The following PTPRN variants were observed in gnomAD, a reference collection of about 807,000 sequenced individuals.
PTPRN encodes the protein receptor-type tyrosine-protein phosphatase-like N.
Under a neutral mutation model 108.5 loss-of-function variants are expected in PTPRN, and 70 were observed. The observed-to-expected ratio is 0.65, with a 90% CI of 0.53 to 0.79. The LOEUF (loss-of-function observed/expected upper bound fraction) is 0.79, where lower values mean the gene tolerates loss of function less well. Ranked by LOEUF, PTPRN falls within the 30% of genes least tolerant of loss-of-function variation. The pLI is 0.00. For synonymous variants in PTPRN, 496 were observed against 524.6 expected, an observed-to-expected ratio of 0.95 and a Z score of 0.75; for missense variants, 1,136 against 1,295.5, an observed-to-expected ratio of 0.88 and a Z score of 1.89.
intron 18 of PTPRN, 60 bp from the exon 19 acceptor site, chr2:219,295,201 C>T: frequency 2.6e-6 from 4 of 1,566,172 alleles, no homozygotes; most frequent in East Asian, 4.8e-5. Flanking sequence ...GCGTTGCGCG[C>T]GCTCTCCTCG....
chr2:219,293,308 G>A (rs984929079), intron 19 of PTPRN, among the ~76,000 whole-genome samples: 3 of 152,086 alleles, frequency 2.0e-5, no homozygotes, highest in African/African-American at 7.2e-5. Context: ...AGCCTCCCGA[G>A]TAGCTGGGAG....
chr2:219,294,972 C>T lies in PTPRN; in HGVS notation c.2675+3G>A, dbSNP rs1379060559. 6.4e-6 allele frequency: 10 copies of T among 1,571,796 alleles called. No homozygotes were observed. Among genetic ancestry groups the T allele is most frequent in the Non-Finnish European group, 8.6e-6 (10 of 1,160,770 alleles). On this transcript the variant is annotated splice_donor_region_variant and intron_variant, in intron 19 of 22. Transcript: ENST00000295718. ...CCCTCCAGGCGGGGGCGCCCGCGCT[C>T]ACCTGCGGAAGTCCAGCAGGGGCCG... is the stretch of plus-strand genomic sequence containing the variant.
intron 19 of PTPRN, among the ~76,000 whole-genome samples, chr2:219,293,082 A>C (rs1005782165): frequency 6.6e-6 from 1 of 152,162 alleles, no homozygotes; most frequent in Non-Finnish European, 1.5e-5. Context: ...GAATGGAGGG[A>C]AGCCAAGGAA....
In PTPRN at chr2:219,290,958, AGGAGGCCT is replaced by A. The variant is rs1047898336; in HGVS notation, c.2730-76_2730-69del. 110 of 1,521,414 alleles carry A rather than the reference AGGAGGCCT, an allele frequency of 7.2e-5. No individual in the cohort carries two copies. Among genetic ancestry groups the A allele is most frequent in the Non-Finnish European group, 9.4e-5 (103 of 1,096,344 alleles). The allele number at this position is 1,521,414 out of a possible 1,614,324, so 94.2% of individuals were successfully genotyped here. A position where few individuals can be genotyped will look rare whatever the true frequency, so the allele number is the denominator to read the frequency against. On this transcript the variant is annotated intron_variant, in intron 20 of 22. Transcript: ENST00000295718. The surrounding 1 kb of genome is among the most constrained non-coding windows in gnomAD (Gnocchi z 4.2). The stretch of plus-strand genomic sequence containing the variant: ...GAAAGGGGGAGGGACGGAGGAGGCG[AGGAGGCCT>A]GGAGGCCTGGGGGAGGGGAGGACAC...
rs772064928 is a variant in PTPRN at position 219,307,574 on chromosome 2, G to T, written c.167-17C>A. 4 of 1,608,822 alleles carry T rather than the reference G, an allele frequency of 2.5e-6. No homozygotes were observed. The South Asian group carries it at 3.3e-5, about 13-fold the overall frequency. On this transcript the variant is annotated splice_polypyrimidine_tract_variant and intron_variant, in intron 2 of 22. Coordinates refer to ENST00000295718, the MANE Select transcript of PTPRN (RefSeq NM_002846.4). ...ACAAGCCATCTAAGGGCACAAAAGT[G>T]GTGTCAGCAGGGGGCTTGAATAAGA...
At chr2:219,307,607 C>G (rs1200495359) in intron 2 of PTPRN, 50 bp from the exon 3 acceptor site, 1 of 1,556,906 alleles carries the variant, frequency 6.4e-7, no homozygotes. Context: ...AGAGGCCTTC[C>G]AAAGTCCAGG....
Position 219,307,542 on chromosome 2 carries a change from T to C in PTPRN, c.182A>G (p.Gln61Arg), listed in dbSNP as rs1165649305. Residue 61 changes from glutamine to arginine, a missense_variant, in exon 3 of 23, where the codon CAG becomes CGG. Coordinates refer to ENST00000295718, the MANE Select transcript of PTPRN (RefSeq NM_002846.4). The stretch of plus-strand genomic sequence containing the variant: ...GGCCTGCCCCACTCCCACCTGGCAC[T>C]GCCCAAACAAGCCATCTAAGGGCAC... Reference protein sequence around the residue: ...EVCIQDGLFGQCQVGVGQARP... With the variant: ...EVCIQDGLFGRCQVGVGQARP... 6.2e-7 allele frequency: 1 copy of C among 1,614,046 alleles called. No homozygotes were observed. The highest frequency in any genetic ancestry group is 1.7e-5 in the Admixed American group (1 of 59,984).
rs770552842 is a variant in PTPRN at position 219,303,756 on chromosome 2, G to A, written c.356C>T (p.Pro119Leu). Residue 119 changes from proline (P) to leucine (L), a missense_variant, in exon 4 of 23, where the codon CCA (proline) becomes CTA (leucine). Coordinates refer to ENST00000295718, the MANE Select transcript of PTPRN (RefSeq NM_002846.4). Reference protein sequence around the residue: ...EMERIPRLRPPEPRPRDRSGL... With the variant: ...EMERIPRLRPLEPRPRDRSGL... ...CTACCTGTCCCTTGGACGGGGCTCTGGGGGGCGAAGCCTGGGGATGCGCTC... is the reference window on the plus strand; with the variant it reads ...CTACCTGTCCCTTGGACGGGGCTCTAGGGGGCGAAGCCTGGGGATGCGCTC... 1.2e-5 allele frequency: 19 copies of A among 1,613,760 alleles called. No homozygotes were observed. The highest frequency in any genetic ancestry group is 2.2e-5 in the East Asian group (1 of 44,900).
Position 219,298,101 on chromosome 2 carries a change from C to T in PTPRN, c.1671G>A (p.Arg557=), listed in dbSNP as rs756054940. The T allele has an allele frequency of 2.0e-5, 32 of 1,611,826 alleles. No individual in the cohort carries two copies. Among genetic ancestry groups the T allele is most frequent in the Non-Finnish European group, 2.6e-5 (31 of 1,179,754 alleles). The change falls in exon 13 of 23, where the codon AGG becomes AGA. Residue 557 remains arginine, a splice_region_variant and synonymous_variant. Transcript: ENST00000295718. ...LQILQTGVGQ[R]EEAAAVLPQT... is the part of the protein sequence containing the mutation. Reference sequence around the variant, plus strand: ...GGGGAAGGACTGCAGCTGCCTCCTCCCTCTGTGGGAACAAGGCTAGAATCA... The same window carrying T: ...GGGGAAGGACTGCAGCTGCCTCCTCTCTCTGTGGGAACAAGGCTAGAATCA...
chr2:219,299,846 A>G, intron 9 of PTPRN, 60 bp from the exon 10 acceptor site: 1 of 1,558,014 alleles, frequency 6.4e-7, no homozygotes, highest in South Asian at 1.2e-5. Flanking sequence ...CACTTTCTTA[A>G]AACAGGCCAC....
At chr2:219,293,306 G>A (rs901365922) in intron 19 of PTPRN, among the ~76,000 whole-genome samples, 2 of 151,968 alleles carry the variant, frequency 1.3e-5, no homozygotes, top group African/African-American at 4.8e-5. Flanking sequence ...TCAGCCTCCC[G>A]AGTAGCTGGG....
At chr2:219,292,116 C>G (rs1389975606) in intron 19 of PTPRN, 2 of 157,568 alleles carry the variant, frequency 1.3e-5, no homozygotes, top group African/African-American at 4.8e-5. Flanking sequence ...TGACATCAGG[C>G]TGCCCTGGGC....
Position 219,302,273 on chromosome 2 carries a change from T to C in PTPRN, c.858A>G (p.Pro286=). 1 of 1,614,160 alleles carries C rather than the reference T, an allele frequency of 6.2e-7. No homozygotes were observed. Among genetic ancestry groups the C allele is most frequent in the East Asian group, 2.2e-5 (1 of 44,866 alleles). The stretch of plus-strand genomic sequence containing the variant: ...TTGGCACCCTGGCCCTGCTGGGTGC[T>C]GGCAACTCCTGGGCCAGATAGAGCA... ...SGLLYLAQEL[P]APSRARVPRL... Residue 286 remains proline, a synonymous_variant, in exon 6 of 23, where the codon CCA becomes CCG. Coordinates refer to ENST00000295718, the MANE Select transcript of PTPRN (RefSeq NM_002846.4).
chr2:219,308,561 T>G (rs1474197080), intron 1 of PTPRN, among the ~76,000 whole-genome samples: 1 of 89,214 alleles, frequency 1.1e-5, no homozygotes, highest in East Asian at 3.3e-4. Context: ...CACCCTCCCA[T>G]CCCCCACCCC....
intron 3 of PTPRN, among the ~76,000 whole-genome samples, chr2:219,304,471 T>A (rs866967829): frequency 4.6e-5 from 7 of 152,126 alleles, no homozygotes; most frequent in Middle Eastern, 3.2e-3. Context: ...TAGACAGCTC[T>A]CCTGTTTGAC....
intron 4 of PTPRN, 82 bp from the exon 5 acceptor site, chr2:219,302,919 G>C (rs1007626085): frequency 7.9e-6 from 12 of 1,511,360 alleles, no homozygotes; most frequent in Non-Finnish European, 1.1e-5. Context: ...TCGGGGCCAG[G>C]CAGGCTCAGC....
chr2:219,304,720 CT>C (rs1952440714), intron 3 of PTPRN, among the ~76,000 whole-genome samples: 1 of 152,222 alleles, frequency 6.6e-6, no homozygotes, highest in African/African-American at 2.4e-5. Context: ...ATTTCATCCC[CT>C]CTCACCTATT....
rs906851284 is a variant in PTPRN at position 219,290,111 on chromosome 2, G to T, written c.*115C>A. 1.2e-5 allele frequency: 12 copies of T among 1,001,762 alleles called. No individual in the cohort carries two copies. In the African/African-American group the frequency reaches 1.6e-4, roughly 13 times the overall value. 62.1% of individuals were successfully genotyped at this position (1,001,762 alleles called of 1,614,324 possible). ...TTTCCCTTCCTGACTCTTCTAGGAA[G>T]GGCTGAGCATGCCCAAGAGGTGGCT... On this transcript the variant is annotated 3_prime_UTR_variant, in exon 23 of 23. Transcript: ENST00000295718. The surrounding 1 kb of genome is among the most constrained non-coding windows in gnomAD (Gnocchi z 4.2).
In PTPRN at chr2:219,297,433, C is replaced by T. The variant is rs373382338; in HGVS notation, c.1888G>A (p.Asp630Asn). Residue 630 changes from aspartate (D) to asparagine (N), a missense_variant and splice_region_variant, in exon 14 of 23, where the codon GAC becomes AAC. Transcript: ENST00000295718. The surrounding 1 kb of genome is among the most constrained non-coding windows in gnomAD (Gnocchi z 6.0). ...AHGDTTFEYQ[D>N]LCRQHMATKS... ...GTGGCCATGTGCTGGCGGCACAGGT[C>T]CTGTGGAGGAAGAATCAGGTGAGGT... The T allele has an allele frequency of 1.9e-6, 3 of 1,614,006 alleles. No individual in the cohort carries two copies. The highest frequency in any genetic ancestry group is 2.5e-6 in the Non-Finnish European group (3 of 1,180,004).
Sources: allele counts gnomAD v4.1 joint callset (sites outside exome capture counted in the v4.1 genomes callset), GRCh38; gene constraint gnomAD v4.1.1; non-coding constraint Gnocchi (gnomAD v3.1); transcripts MANE v1.5; gene names NCBI Gene and HGNC (gene_info 2026-07-23, HGNC 2026-07-21).